Variants in NUP160 observed in about 807,000 individuals in gnomAD.
NUP160 encodes the protein nucleoporin 160.
Under a neutral mutation model 196.9 loss-of-function variants are expected in NUP160, and 94 were observed. That is an observed-to-expected ratio of 0.48 (90% CI 0.40 to 0.57). The LOEUF (loss-of-function observed/expected upper bound fraction) is 0.57, where lower values mean the gene tolerates loss of function less well. Ranked by LOEUF, NUP160 falls within the 20% of genes least tolerant of loss-of-function variation. The pLI is 0.00. For missense variants in NUP160, 1,638 were observed against 1,748.3 expected (o/e 0.94, Z 1.13); for synonymous variants, 605 against 619.7 (o/e 0.98, Z 0.35).
At chr11:47,801,217 C>A (rs1416456938) in intron 23 of NUP160, among the ~76,000 whole-genome samples, 2 of 152,156 alleles carry the variant, frequency 1.3e-5, no homozygotes, top group Non-Finnish European at 2.9e-5. Flanking sequence ...TAATAAAATT[C>A]TAATGGCAAC....
At chr11:47,806,396 TTG>T (rs2097677637) in intron 19 of NUP160, 84 bp from the exon 20 acceptor site, 1 of 1,115,098 alleles carries the variant, frequency 9.0e-7, no homozygotes, top group Admixed American at 2.3e-5. Context: ...CATTTTATGC[TTG>T]TAACAAACAA....
intron 7 of NUP160, among the ~76,000 whole-genome samples, chr11:47,825,578 G>A (rs1851951228): frequency 6.6e-6 from 1 of 151,626 alleles, no homozygotes; most frequent in African/African-American, 2.4e-5. Flanking sequence ...TCAGCCTCGC[G>A]AGTAGTTGGG....
rs1599306267 is a variant in NUP160, at chr11:47,788,423, A to T, written c.3622+78T>A. On this transcript the variant is annotated intron_variant, in intron 30 of 35. Coordinates refer to ENST00000378460, the Ensembl canonical transcript of NUP160. ...AACCCAGGCTTTATACCCATCTACCATGCTACATACACTGCCTGGACCTAA... is the reference window on the plus strand; with the variant it reads ...AACCCAGGCTTTATACCCATCTACCTTGCTACATACACTGCCTGGACCTAA... 5 of 1,536,712 alleles carry T rather than the reference A, an allele frequency of 3.3e-6. No homozygotes were observed. In the Admixed American group the frequency reaches 5.1e-5, roughly 16 times the overall value.
At position 47,803,446 on chromosome 11, in the gene NUP160, C is replaced by A; in HGVS notation, c.2767G>T (p.Gly923Ter). 6.3e-7 allele frequency: 1 copy of A among 1,593,410 alleles called. No individual in the cohort carries two copies. The highest frequency in any genetic ancestry group is 8.6e-7 in the Non-Finnish European group (1 of 1,161,406). ...ATTCAAATGTAGTTTACCTTCTGTC[C>A]TTCTCCTGTAACTAGGTAACACCTT... is the stretch of plus-strand genomic sequence containing the variant. The change falls in exon 22 of 36, where the codon GGA (glycine) becomes TGA (stop). Residue 923 changes from glycine to a stop codon, truncating the protein, a stop_gained. Transcript: ENST00000378460. LOFTEE classifies it high-confidence loss of function.
At chr11:47,830,159 T>A (rs1218748655) in intron 7 of NUP160, among the ~76,000 whole-genome samples, 1 of 152,056 alleles carries the variant, frequency 6.6e-6, no homozygotes, top group Non-Finnish European at 1.5e-5. Flanking sequence ...AAAACCACAA[T>A]GAGATACCAT....
At chr11:47,786,343 A>G (rs2097664508) in intron 32 of NUP160, 110 bp downstream of exon 32, 1 of 613,350 alleles carries the variant, frequency 1.6e-6, no homozygotes, top group African/African-American at 1.8e-5. Flanking sequence ...AAACTTAGCC[A>G]AAAAGAAAGA....
chr11:47,780,932 G>A (rs1213667603), intron 34 of NUP160, among the ~76,000 whole-genome samples: 5 of 151,818 alleles, frequency 3.3e-5, no homozygotes, highest in Non-Finnish European at 5.9e-5. Context: ...CATTTTTTTC[G>A]GTTAAATATA....
chr11:47,788,156 C>A (rs1172153029), intron 31 of NUP160, 26 bp downstream of exon 31: 1 of 1,585,092 alleles, frequency 6.3e-7, no homozygotes, highest in Non-Finnish European at 8.6e-7. Context: ...TTAGAAAAGA[C>A]TATAAAAAAA....
intron 22 of NUP160, among the ~76,000 whole-genome samples, chr11:47,802,775 G>T (rs2097674994): frequency 6.6e-6 from 1 of 152,038 alleles, no homozygotes; most frequent in Admixed American, 6.6e-5. Context: ...AGGAGTTCGT[G>T]ACCAGCCTGG....
chr11:47,793,722 G>GT (rs750497969), intron 27 of NUP160, among the ~76,000 whole-genome samples: 32 of 87,656 alleles, frequency 3.7e-4, no homozygotes, highest in South Asian at 1.2e-3. Flanking sequence ...TAAGATATCT[G>GT]TTTTTTTTTT....
chr11:47,847,536 A>T (rs1852421267), intron 2 of NUP160, among the ~76,000 whole-genome samples: 1 of 151,400 alleles, frequency 6.6e-6, no homozygotes, highest in South Asian at 2.1e-4. Flanking sequence ...GAAGCTGTAA[A>T]GCACTATAAA....
chr11:47,808,525 A>G, exon 18 of NUP160: 1 of 1,613,814 alleles, frequency 6.2e-7, no homozygotes, highest in Non-Finnish European at 8.5e-7. Context: ...AGTTCCCCAA[A>G]TCACCTATAC....
chr11:47,840,602 G>A lies in NUP160; in HGVS notation c.315-14C>T. The A allele has an allele frequency of 6.4e-7, 1 of 1,554,730 alleles. No individual in the cohort carries two copies. The highest frequency in any genetic ancestry group is 8.7e-7 in the Non-Finnish European group (1 of 1,144,080). On this transcript the variant is annotated splice_polypyrimidine_tract_variant and intron_variant, in intron 2 of 35. Coordinates refer to ENST00000378460, the Ensembl canonical transcript of NUP160. ...CCAGAGGTCTTCCTGTTGAAAAAGA[G>A]ACATTTGTTTGAAAAGTTTATGCTT... is the stretch of plus-strand genomic sequence containing the variant.
Position 47,801,882 on chromosome 11 carries a change from A to G in NUP160, c.2824T>C (p.Phe942Leu), listed in dbSNP as rs181012736. The change falls in exon 23 of 36, where the codon TTC becomes CTC. Residue 942 changes from phenylalanine to leucine, a missense_variant. Coordinates refer to ENST00000378460, the Ensembl canonical transcript of NUP160. ...TCTGAGCGAATCAAGCGATCCAAGA[A>G]TTCCTCTTTGCCTACTTCAGATGCT... is the stretch of plus-strand genomic sequence containing the variant. 68 of 1,613,942 alleles carry G rather than the reference A, an allele frequency of 4.2e-5. No homozygotes were observed. In the Admixed American group the frequency reaches 9.3e-4, roughly 22 times the overall value.
chr11:47,812,672 G>C (rs888717686), intron 15 of NUP160, among the ~76,000 whole-genome samples: 1 of 152,142 alleles, frequency 6.6e-6, no homozygotes, highest in Admixed American at 6.5e-5. Flanking sequence ...TCGGTTAATT[G>C]TTAAAGCATA....
intron 2 of NUP160, among the ~76,000 whole-genome samples, 200 bp downstream of exon 2, chr11:47,847,648 T>TGGGGGGGGGGGGGGGGG (rs56283744): frequency 6.5e-5 from 5 of 77,490 alleles, no homozygotes; most frequent in African/African-American, 6.9e-5. Flanking sequence ...TGTGTGGGGG[T>TGGGGGGGGGGGGGGGGG]GGGGGGGGGG....
At chr11:47,813,167 T>C (rs1037385392) in intron 14 of NUP160, 120 bp from the exon 15 acceptor site, 3 of 975,588 alleles carry the variant, frequency 3.1e-6, no homozygotes, top group Non-Finnish European at 3.1e-6. Context: ...CAGAGATGCT[T>C]TGGTCTCTTA....
At chr11:47,809,378 C>A (rs547632364) in intron 17 of NUP160, among the ~76,000 whole-genome samples, 2 of 151,584 alleles carry the variant, frequency 1.3e-5, no homozygotes, top group South Asian at 2.1e-4. Flanking sequence ...GGCAGTACTA[C>A]CAAAAGCCTT....
intron 31 of NUP160, among the ~76,000 whole-genome samples, chr11:47,787,879 G>A (rs1476620439): frequency 2.6e-5 from 4 of 152,020 alleles, no homozygotes; most frequent in Non-Finnish European, 4.4e-5. Flanking sequence ...CACCACGCCC[G>A]ACTAATTTTT....
Sources: gnomAD v4.1 joint callset for allele counts (sites outside exome capture counted in the v4.1 genomes callset) on GRCh38, gnomAD v4.1.1 for gene constraint, MANE v1.5 for transcripts, NCBI Gene and HGNC (gene_info 2026-07-23, HGNC 2026-07-21) for gene names.